SNCG: variants seen among roughly 807,000 people sequenced by gnomAD.
SNCG encodes gamma-synuclein.
A neutral mutation model predicts 16.0 loss-of-function variants in SNCG; 13 were observed. That is an observed-to-expected ratio of 0.81 (90% CI 0.53 to 1.29). The LOEUF (loss-of-function observed/expected upper bound fraction) is 1.29, where lower values mean the gene tolerates loss of function less well. Among genes scored for constraint, SNCG ranks in the 50% most tolerant of loss-of-function variants. SNCG has a pLI of 0.00. For synonymous variants in SNCG, 66 were observed against 66.3 expected, an observed-to-expected ratio of 1.00 and a Z score of 0.02; for missense variants, 154 against 168.5, an observed-to-expected ratio of 0.91 and a Z score of 0.48.
chr10:86,962,126 C>G (rs1844362245), intron 3 of SNCG, among the ~76,000 whole-genome samples: 1 of 152,232 alleles, frequency 6.6e-6, no homozygotes, highest in South Asian at 2.1e-4. Context: ...CAAGCCTGAT[C>G]TGATGCCAAC....
At chr10:86,960,459 C>A (rs375790345) in intron 3 of SNCG, among the ~76,000 whole-genome samples, 1 of 152,164 alleles carries the variant, frequency 6.6e-6, no homozygotes, top group Non-Finnish European at 1.5e-5. Flanking sequence ...GGATCCCACA[C>A]GGTGACAGGC....
intron 3 of SNCG, among the ~76,000 whole-genome samples, chr10:86,962,092 C>T (rs1288977850): frequency 6.6e-6 from 1 of 152,232 alleles, no homozygotes; most frequent in African/African-American, 2.4e-5. Context: ...AGCCATGCTC[C>T]TGTGGACTGA....
upstream of SNCG, chr10:86,958,588 G>T: frequency 6.5e-7 from 1 of 1,535,318 alleles, no homozygotes; most frequent in East Asian, 2.5e-5. Flanking sequence ...GCGTCAATAG[G>T]AGGCATCGGG....
At chr10:86,962,901 C>A (rs71473291) in intron 4 of SNCG, 64 bp from the exon 5 acceptor site, 120,160 of 1,551,308 alleles carry the variant, frequency 0.077, 5,500 homozygotes, top group African/African-American at 0.19. Context: ...TTTCTCAGCC[C>A]ACTCAGGGTG....
At chr10:86,962,481 C>T (rs891948750) in intron 3 of SNCG, 123 bp from the exon 4 acceptor site, 11 of 648,984 alleles carry the variant, frequency 1.7e-5, no homozygotes, top group Admixed American at 1.1e-4. Context: ...CCTCCAAGTA[C>T]AACAAGGCCA....
chr10:86,961,526 G>A (rs1844351157), intron 3 of SNCG, among the ~76,000 whole-genome samples: 1 of 152,114 alleles, frequency 6.6e-6, no homozygotes, highest in Non-Finnish European at 1.5e-5. Flanking sequence ...AGCAAAAGAG[G>A]CCCTGGGGTG....
At chr10:86,962,861 C>T (rs1328601965) in intron 4 of SNCG, 104 bp from the exon 5 acceptor site, 1 of 1,355,534 alleles carries the variant, frequency 7.4e-7, no homozygotes, top group East Asian at 2.5e-5. Context: ...CCACGGATGA[C>T]CCCTCAGGCA....
chr10:86,962,402 C>T (rs571273505), intron 3 of SNCG, among the ~76,000 whole-genome samples: 39 of 152,042 alleles, frequency 2.6e-4, no homozygotes, highest in Non-Finnish European at 4.9e-4. Context: ...ACTTGGTGCC[C>T]CTGGAAGGCC....
At position 86,959,488 on chromosome 10, in the gene SNCG, C is replaced by A; in HGVS notation, c.122-145C>A. ...TTCTTCCAGACACAGCAGGAAGAGG[C>A]CCTCTGAAGGGGCCGCCGGCCCCCA... is the stretch of plus-strand genomic sequence containing the variant. On this transcript the variant is annotated intron_variant, in intron 1 of 4. Transcript: ENST00000372017. The surrounding 1 kb of genome is among the most constrained non-coding windows in gnomAD (Gnocchi z 4.3). The A allele has an allele frequency of 2.9e-6, 2 of 685,768 alleles. No individual in the cohort carries two copies. The highest frequency in any genetic ancestry group is 5.4e-5 in the East Asian group (2 of 37,082). The allele number at this position is 685,768 out of a possible 1,614,324, so 42.5% of individuals were successfully genotyped here. A position where few individuals can be genotyped will look rare whatever the true frequency, so the allele number is the denominator to read the frequency against.
At chr10:86,957,270 G>T, upstream of SNCG, 1 of 1,149,188 alleles carries the variant, frequency 8.7e-7, no homozygotes, top group Non-Finnish European at 1.3e-6. Context: ...GATACTATTA[G>T]CCCATTTCAC....
At chr10:86,956,810 C>T (rs1844241668), upstream of SNCG, among the ~76,000 whole-genome samples, 1 of 152,352 alleles carries the variant, frequency 6.6e-6, no homozygotes, top group Non-Finnish European at 1.5e-5. Context: ...GCAGGATGGG[C>T]CCTGGCTCTG....
At position 86,959,865 on chromosome 10, in the gene SNCG, TGGAGTCAGA is replaced by T; in HGVS notation, c.164-133_164-125del. 7.0e-7 allele frequency: 1 copy of T among 1,427,948 alleles called. No individual in the cohort carries two copies. Among genetic ancestry groups the T allele is most frequent in the Non-Finnish European group, 9.5e-7 (1 of 1,057,938 alleles). The allele number at this position is 1,427,948 out of a possible 1,614,324, so 88.5% of individuals were successfully genotyped here. The stretch of plus-strand genomic sequence containing the variant: ...ACCCCCACCAGCATCAGAGGTGCCC[TGGAGTCAGA>T]GGGAGCAGGGGAGGGTCCCAGCAGG... On this transcript the variant is annotated intron_variant, in intron 2 of 4. Transcript: ENST00000372017. The surrounding 1 kb of genome is among the most constrained non-coding windows in gnomAD (Gnocchi z 4.3).
rs1435737400 is a variant in SNCG, at chr10:86,962,913, C to T, written c.364-52C>T. Reference sequence around the variant, plus strand: ...ACTTTTCTCAGCCCACTCAGGGTGGCCCATTAAGGCTGGGGCCTGGAGCTG... The same window carrying T: ...ACTTTTCTCAGCCCACTCAGGGTGGTCCATTAAGGCTGGGGCCTGGAGCTG... On this transcript the variant is annotated intron_variant, in intron 4 of 4. Transcript: ENST00000372017. 3.8e-6 allele frequency: 6 copies of T among 1,574,604 alleles called. No homozygotes were observed. In the South Asian group the frequency reaches 5.9e-5, roughly 15 times the overall value.
In SNCG at chr10:86,959,325, C is replaced by T; in HGVS notation, c.122-308C>T. The T allele has an allele frequency of 1.9e-6, 1 of 530,896 alleles. No homozygotes were observed. The highest frequency in any genetic ancestry group is 3.3e-6 in the Non-Finnish European group (1 of 299,528). The allele number at this position is 530,896 out of a possible 1,614,324, so 32.9% of individuals were successfully genotyped here. A position where few individuals can be genotyped will look rare whatever the true frequency, so the allele number is the denominator to read the frequency against. On this transcript the variant is annotated intron_variant, in intron 1 of 4. Coordinates refer to ENST00000372017, the MANE Select transcript of SNCG (RefSeq NM_003087.3). This position sits in a 1 kb window ranked among gnomAD's most constrained non-coding sequence, Gnocchi z 4.3. ...TCAAGCCAATGACTCAGCTCTGGCC[C>T]ATCCTGTCCTGTTGCTGCTTCTGAG...
rs1844303204 is a variant in SNCG, at chr10:86,959,574, C to T, written c.122-59C>T. 2 of 1,520,154 alleles carry T rather than the reference C, an allele frequency of 1.3e-6. No homozygotes were observed. The highest frequency in any genetic ancestry group is 1.8e-6 in the Non-Finnish European group (2 of 1,097,568). 94.2% of individuals were successfully genotyped at this position (1,520,154 alleles called of 1,614,324 possible). On this transcript the variant is annotated intron_variant, in intron 1 of 4. Transcript: ENST00000372017. This position sits in a 1 kb window ranked among gnomAD's most constrained non-coding sequence, Gnocchi z 4.3. ...TGTCCAGCTGTTCTGTTGTGTTTGT[C>T]CTGACCGCCCCCAACACCTCGAGGG... is the stretch of plus-strand genomic sequence containing the variant.
chr10:86,960,203 C>G (rs537894135), intron 3 of SNCG, 75 bp downstream of exon 3: 2 of 1,395,890 alleles, frequency 1.4e-6, no homozygotes, highest in Non-Finnish European at 2.0e-6. Context: ...CGGCATCACT[C>G]CACTCCACAC....
chr10:86,955,890 A>T (rs1844217114), upstream of SNCG, among the ~76,000 whole-genome samples: 1 of 152,034 alleles, frequency 6.6e-6, no homozygotes, highest in African/African-American at 2.4e-5. Context: ...ACCCCAGAGA[A>T]GGACTGCGGG....
upstream of SNCG, among the ~76,000 whole-genome samples, chr10:86,955,850 G>A (rs1844216393): frequency 6.6e-6 from 1 of 152,114 alleles, no homozygotes; most frequent in Non-Finnish European, 1.5e-5. Flanking sequence ...GGGCATTCCT[G>A]GGCCAGGTAC....
At chr10:86,958,169 C>A (rs1344782251), upstream of SNCG, 8 of 982,772 alleles carry the variant, frequency 8.1e-6, no homozygotes, top group Non-Finnish European at 9.7e-6. Flanking sequence ...GCCCAGGCCG[C>A]GGGAGGTTGG....
Sources: allele counts gnomAD v4.1 joint callset (sites outside exome capture counted in the v4.1 genomes callset), GRCh38; gene constraint gnomAD v4.1.1; non-coding constraint Gnocchi (gnomAD v3.1); transcripts MANE v1.5; gene names NCBI Gene and HGNC (gene_info 2026-07-23, HGNC 2026-07-21).